GATA6: variants seen among roughly 807,000 people sequenced by gnomAD.
The protein encoded by GATA6 is transcription factor GATA-6.
In GATA6, 11 loss-of-function variants were observed where a neutral mutation model predicts 48.1. The observed-to-expected ratio is 0.23, with a 90% CI of 0.14 to 0.38. The LOEUF is 0.38. Among genes scored for constraint, GATA6 ranks in the 10% least tolerant of loss-of-function variants. The pLI is 1.00. For synonymous variants in GATA6, 419 were observed against 396.1 expected, an observed-to-expected ratio of 1.06 and a Z score of -0.69; for missense variants, 795 against 850.3, an observed-to-expected ratio of 0.93 and a Z score of 0.81.
intron 3 of GATA6, 151 bp downstream of exon 3, chr18:22,177,272 TAC>T: frequency 1.5e-6 from 1 of 680,998 alleles, no homozygotes; most frequent in Non-Finnish European, 2.3e-6. Context: ...GACCCAGCGG[TAC>T]CATCCTGTCC....
At chr18:22,195,980 G>A (rs535855899) in intron 6 of GATA6, among the ~76,000 whole-genome samples, 18 of 152,148 alleles carry the variant, frequency 1.2e-4, no homozygotes, top group Non-Finnish European at 2.5e-4. Context: ...ATTATAGGGC[G>A]AAGTAGGGTC....
chr18:22,173,850 T>A (rs1328894024), intron 2 of GATA6, among the ~76,000 whole-genome samples: 1 of 152,188 alleles, frequency 6.6e-6, no homozygotes, highest in Admixed American at 6.5e-5. Context: ...GGTCAGGCTG[T>A]TTTTGAACTC....
chr18:22,189,735 G>A (rs1025747131), intron 6 of GATA6, among the ~76,000 whole-genome samples: 10 of 152,128 alleles, frequency 6.6e-5, no homozygotes, highest in Non-Finnish European at 1.3e-4. Flanking sequence ...ATTGGTCTTC[G>A]ATTTTCTCAT....
At chr18:22,189,955 T>C (rs1264115833) in intron 6 of GATA6, among the ~76,000 whole-genome samples, 5 of 152,238 alleles carry the variant, frequency 3.3e-5, no homozygotes, top group Admixed American at 2.0e-4. Context: ...AGACGCGTGG[T>C]TTCACGTTGG....
rs1289441375 is a variant in GATA6 at position 22,169,593 on chromosome 18, T to G, written c.-127T>G. ...CAGCAGCGCGGCGCAGACCCCGGAC[T>G]CGCGCTCGCCCGCTGGCGCCCTCGG... is the stretch of plus-strand genomic sequence containing the variant. On this transcript the variant is annotated 5_prime_UTR_variant, in exon 1 of 7. Transcript: ENST00000269216. 6.6e-6 allele frequency: 1 copy of G among 152,504 alleles called. No homozygotes were observed. The highest frequency in any genetic ancestry group is 6.5e-5 in the Admixed American group (1 of 15,288). The allele number at this position is 152,504 out of a possible 1,614,324, so 9.4% of individuals were successfully genotyped here.
At chr18:22,183,170 A>G in intron 6 of GATA6, 127 bp downstream of exon 6, 2 of 764,886 alleles carry the variant, frequency 2.6e-6, no homozygotes, top group Non-Finnish European at 2.3e-6. Context: ...TTGATACCTA[A>G]GAATAGTTTT....
rs1250292537 is a variant in GATA6, at chr18:22,177,139, T to G, written c.1302+18T>G. On this transcript the variant is annotated intron_variant, in intron 3 of 6. Transcript: ENST00000269216. ...AGCGCGTGGTGAGTGTGACCCGCCC[T>G]GCCCCTGGCTCGCGGCCGGCCCCGG... is the stretch of plus-strand genomic sequence containing the variant. The G allele has an allele frequency of 6.5e-7, 1 of 1,539,156 alleles. No individual in the cohort carries two copies. Among genetic ancestry groups the G allele is most frequent in the East Asian group, 2.5e-5 (1 of 40,062 alleles).
At position 22,170,634 on chromosome 18, in the gene GATA6, C is replaced by A. The variant is rs1367285623; in HGVS notation, c.-37-474C>A. On this transcript the variant is annotated intron_variant, in intron 1 of 6. Coordinates refer to ENST00000269216, the MANE Select transcript of GATA6 (RefSeq NM_005257.6). This position sits in a 1 kb window ranked among gnomAD's most constrained non-coding sequence, Gnocchi z 6.7. ...GTTTTCCCGTGGGGAACCCTCACCC[C>A]GAGGCATTTCGGGAGAGGGGCATCC... Among the ~76,000 whole-genome samples, 1 of 152,194 alleles carries A rather than the reference C, an allele frequency of 6.6e-6. No homozygotes were observed. Among genetic ancestry groups the A allele is most frequent in the African/African-American group, 2.4e-5 (1 of 41,454 alleles).
At chr18:22,188,409 G>T (rs1199493609) in intron 6 of GATA6, among the ~76,000 whole-genome samples, 2 of 152,162 alleles carry the variant, frequency 1.3e-5, no homozygotes, top group African/African-American at 4.8e-5. Context: ...ATTAAAATTA[G>T]TTAGGATTTT....
chr18:22,196,883 C>A (rs1310601341), intron 6 of GATA6, among the ~76,000 whole-genome samples: 1 of 152,172 alleles, frequency 6.6e-6, no homozygotes, highest in Admixed American at 6.5e-5. Context: ...TGAGCTCCAA[C>A]TGTGTTCCGA....
At chr18:22,193,887 G>A (rs1454569223) in intron 6 of GATA6, among the ~76,000 whole-genome samples, 1 of 152,094 alleles carries the variant, frequency 6.6e-6, no homozygotes, top group African/African-American at 2.4e-5. Flanking sequence ...GCCCTTTCAG[G>A]GTTTCCTTTT....
chr18:22,171,662 C>A lies in GATA6; in HGVS notation c.518C>A (p.Ala173Glu). 1.3e-6 allele frequency: 2 copies of A among 1,522,316 alleles called. No homozygotes were observed. Among genetic ancestry groups the A allele is most frequent in the Non-Finnish European group, 1.7e-6 (2 of 1,144,902 alleles). 94.3% of individuals were successfully genotyped at this position (1,522,316 alleles called of 1,614,324 possible). Residue 173 changes from alanine (A) to glutamate (E), a missense_variant, in exon 2 of 7, where the codon GCG becomes GAG. By Grantham distance (107) the Ala-to-Glu change is moderately radical. Transcript: ENST00000269216. This position sits in a 1 kb window ranked among gnomAD's most constrained non-coding sequence, Gnocchi z 7.1. ...DGAPGGFVHS[A>E]AAAAAAAAAA... ...GCGCCCGGCGGCTTCGTGCACTCTG[C>A]GGCCGCGGCGGCAGCAGCCGCGGCG...
At position 22,177,677 on chromosome 18, in the gene GATA6, C is replaced by A. The variant is rs561293545; in HGVS notation, c.1302+556C>A. On this transcript the variant is annotated intron_variant, in intron 3 of 6. Coordinates refer to ENST00000269216, the MANE Select transcript of GATA6 (RefSeq NM_005257.6). ...CCATTCGTCCCCCAAATAGAATATG[C>A]CAGAAATCCACCCACTCACGCCTCC... Among the ~76,000 whole-genome samples, 147 of 152,170 alleles carry A rather than the reference C, an allele frequency of 9.7e-4. 3 individuals carry two copies. The South Asian group carries it at 0.029, about 30-fold the overall frequency.
chr18:22,193,167 ACTCT>A (rs774941781), intron 6 of GATA6, among the ~76,000 whole-genome samples: 6 of 152,034 alleles, frequency 3.9e-5, no homozygotes, highest in Non-Finnish European at 7.4e-5. Flanking sequence ...GGTGACGGTG[ACTCT>A]CTCTCTAGAG....
At chr18:22,195,663 G>T (rs934468191) in intron 6 of GATA6, among the ~76,000 whole-genome samples, 1 of 152,150 alleles carries the variant, frequency 6.6e-6, no homozygotes, top group Non-Finnish European at 1.5e-5. Flanking sequence ...GGGGACCTTT[G>T]TAATACTTAC....
At chr18:22,169,943 G>A (rs1002858067) in intron 1 of GATA6, among the ~76,000 whole-genome samples, 1 of 152,226 alleles carries the variant, frequency 6.6e-6, no homozygotes, top group Non-Finnish European at 1.5e-5. Context: ...GCAAAGGGGC[G>A]GGAGCCGGTA....
At chr18:22,181,095 C>T (rs1295924656) in intron 3 of GATA6, among the ~76,000 whole-genome samples, 1 of 152,134 alleles carries the variant, frequency 6.6e-6, no homozygotes, top group African/African-American at 2.4e-5. Context: ...CTGGGAAACT[C>T]TAAATTGGAG....
intron 2 of GATA6, among the ~76,000 whole-genome samples, chr18:22,173,238 A>C (rs534814770): frequency 6.6e-6 from 1 of 152,352 alleles, no homozygotes; most frequent in East Asian, 1.9e-4. Context: ...TCTCAGATGC[A>C]ACATTCTGCG....
intron 6 of GATA6, among the ~76,000 whole-genome samples, chr18:22,190,909 A>G (rs150529479): frequency 6.6e-6 from 1 of 152,148 alleles, no homozygotes; most frequent in Non-Finnish European, 1.5e-5. Context: ...GTCTGACCAC[A>G]TTGGCCTTTG....
Sources: allele counts gnomAD v4.1 joint callset (sites outside exome capture counted in the v4.1 genomes callset), GRCh38; gene constraint gnomAD v4.1.1; non-coding constraint Gnocchi (gnomAD v3.1); transcripts MANE v1.5; gene names NCBI Gene and HGNC (gene_info 2026-07-23, HGNC 2026-07-21).